Variants in C7 observed in about 807,000 individuals in gnomAD.
The protein encoded by C7 is complement component C7.
In C7, 83 loss-of-function variants were observed where a neutral mutation model predicts 104.8. The observed-to-expected ratio is 0.79, with a 90% confidence interval of 0.66 to 0.95. The LOEUF (loss-of-function observed/expected upper bound fraction) is 0.95. C7 is among the 40% of genes least tolerant of loss of function. The probability of loss-of-function intolerance (pLI) is 0.00; values close to 1 mark genes in which losing one functional copy is unlikely to be tolerated. For synonymous variants in C7, 415 were observed against 360.6 expected (o/e 1.15, Z -1.71); for missense variants, 1,070 against 1,011.2 (o/e 1.06, Z -0.79).
chr5:40,976,814 T>C lies in C7; in HGVS notation c.2139T>C (p.Cys713=), dbSNP rs1210662589. 6.2e-7 allele frequency: 1 copy of C among 1,606,862 alleles called. No homozygotes were observed. Among genetic ancestry groups the C allele is most frequent in the Admixed American group, 1.7e-5 (1 of 59,154 alleles). ...GGGAGAAACTGCAGAATTCAAGATG[T>C]GTTTGTAAAATGCCCTACGAATGTG... ...QRWEKLQNSR[C]VCKMPYECGP... Residue 713 remains cysteine, a synonymous_variant, in exon 16 of 18, where the codon TGT becomes TGC. Transcript: ENST00000313164.
intron 10 of C7, among the ~76,000 whole-genome samples, 199 bp from the exon 11 acceptor site, chr5:40,957,834 C>T (rs1462025228): frequency 6.6e-6 from 1 of 151,674 alleles, no homozygotes; most frequent in Non-Finnish European, 1.5e-5. Context: ...CCCATGTGAC[C>T]CTAATTTTCC....
Position 40,924,757 on chromosome 5 carries a change from G to A in C7, c.7-3823G>A, listed in dbSNP as rs568875916. On this transcript the variant is annotated intron_variant, in intron 1 of 17. Transcript: ENST00000313164. ...CTGCCAAGGCTTACAGTTTGCACCTGCTGAAGCAGCAGCCCAAGCTGTATC... is the reference window on the plus strand; with the variant it reads ...CTGCCAAGGCTTACAGTTTGCACCTACTGAAGCAGCAGCCCAAGCTGTATC... 1.0e-3 allele frequency among the ~76,000 whole-genome samples: 159 copies of A among 152,290 alleles called. 1 individual carries two copies. Among genetic ancestry groups the A allele is most frequent in the East Asian group, 0.01 (52 of 5,182 alleles).
chr5:40,967,079 TTTC>T (rs1210756701), intron 14 of C7, among the ~76,000 whole-genome samples: 69 of 130,636 alleles, frequency 5.3e-4, no homozygotes, highest in South Asian at 1.5e-3. Flanking sequence ...ATTTTTTTTT[TTTC>T]TTTGAGATGG....
At chr5:40,923,912 A>G (rs1739495964) in intron 1 of C7, among the ~76,000 whole-genome samples, 1 of 147,224 alleles carries the variant, frequency 6.8e-6, no homozygotes, top group Non-Finnish European at 1.5e-5. Context: ...TGGGGATTAC[A>G]TTTCAACATG....
intron 14 of C7, among the ~76,000 whole-genome samples, chr5:40,966,855 C>T (rs1418999338): frequency 6.6e-6 from 1 of 152,030 alleles, no homozygotes; most frequent in Non-Finnish European, 1.5e-5. Context: ...TTGTCTTTTA[C>T]TTATTAATCT....
chr5:40,960,274 T>C (rs1441641115), intron 12 of C7, among the ~76,000 whole-genome samples: 1 of 152,168 alleles, frequency 6.6e-6, no homozygotes, highest in Non-Finnish European at 1.5e-5. Context: ...CCTTAGTAAT[T>C]TTTGCTGACT....
At chr5:40,970,655 T>C (rs976638553) in intron 14 of C7, among the ~76,000 whole-genome samples, 2 of 152,164 alleles carry the variant, frequency 1.3e-5, no homozygotes, top group Non-Finnish European at 2.9e-5. Flanking sequence ...GTTTGTTACA[T>C]AGGTATATAT....
At chr5:40,965,008 G>C in intron 14 of C7, 135 bp downstream of exon 14, 1 of 1,005,214 alleles carries the variant, frequency 9.9e-7, no homozygotes. Context: ...TCCTGTTCAA[G>C]TTTTAGGAGC....
chr5:40,931,532 A>G (rs970095920), intron 3 of C7, among the ~76,000 whole-genome samples: 1 of 152,222 alleles, frequency 6.6e-6, no homozygotes, highest in African/African-American at 2.4e-5. Context: ...AACACTAGCA[A>G]ATAGCAAAAT....
In C7 at chr5:40,983,506, A is replaced by G. The variant is rs1740998550; in HGVS notation, c.*1933A>G. ...AGGAGAAGTCAAGGAGAGGAGAAGG[A>G]GAGGAGCAGTGAATGTTGTCGTGAA... On this transcript the variant is annotated 3_prime_UTR_variant, in exon 18 of 18. Transcript: ENST00000313164. Among the ~76,000 whole-genome samples the G allele has an allele frequency of 6.6e-6, 1 of 152,108 alleles. No homozygotes were observed. Among genetic ancestry groups the G allele is most frequent in the Non-Finnish European group, 1.5e-5 (1 of 68,024 alleles).
intron 6 of C7, among the ~76,000 whole-genome samples, chr5:40,944,249 T>C (rs1028068753): frequency 1.3e-5 from 2 of 152,114 alleles, no homozygotes; most frequent in African/African-American, 4.8e-5. Context: ...TGAGAGGGAG[T>C]CTTCTTGCCT....
chr5:40,932,362 C>T (rs1739703790), intron 3 of C7, among the ~76,000 whole-genome samples: 1 of 151,932 alleles, frequency 6.6e-6, no homozygotes, highest in Admixed American at 6.6e-5. Flanking sequence ...AGATATCTGT[C>T]CTCTTTTCCC....
intron 6 of C7, among the ~76,000 whole-genome samples, chr5:40,942,173 T>C (rs1324116140): frequency 6.6e-6 from 1 of 152,112 alleles, no homozygotes; most frequent in African/African-American, 2.4e-5. Context: ...TTTAAGATAA[T>C]TAATTATAGT....
chr5:40,949,040 C>T (rs893479281), intron 8 of C7, among the ~76,000 whole-genome samples: 1 of 151,846 alleles, frequency 6.6e-6, no homozygotes, highest in African/African-American at 2.4e-5. Context: ...GACACTATTT[C>T]TTTGGAGAAT....
intron 1 of C7, among the ~76,000 whole-genome samples, chr5:40,919,974 G>C (rs1739405707): frequency 6.6e-6 from 1 of 151,496 alleles, no homozygotes; most frequent in South Asian, 2.1e-4. Flanking sequence ...GCATAAGAAA[G>C]GAAATAATAA....
intron 9 of C7, 142 bp from the exon 10 acceptor site, chr5:40,955,245 A>T: frequency 1.5e-6 from 1 of 687,882 alleles, no homozygotes; most frequent in Non-Finnish European, 2.4e-6. Context: ...TGCTCTGCCT[A>T]TTCATCCCTC....
At position 40,925,085 on chromosome 5, in the gene C7, C is replaced by A. The variant is rs561114170; in HGVS notation, c.7-3495C>A. ...CCTGATGATCCTTTTTCTTTCTCTGCTGCGTGGCCAGGCTGCAGATTTTTC... is the reference window on the plus strand; with the variant it reads ...CCTGATGATCCTTTTTCTTTCTCTGATGCGTGGCCAGGCTGCAGATTTTTC... On this transcript the variant is annotated intron_variant, in intron 1 of 17. Coordinates refer to ENST00000313164, the MANE Select transcript of C7 (RefSeq NM_000587.4). Among the ~76,000 whole-genome samples the A allele has an allele frequency of 1.1e-4, 17 of 152,342 alleles. No individual in the cohort carries two copies. In the East Asian group the frequency reaches 3.3e-3, roughly 29 times the overall value.
intron 15 of C7, among the ~76,000 whole-genome samples, chr5:40,975,775 T>G (rs957554604): frequency 6.6e-6 from 1 of 152,252 alleles, no homozygotes; most frequent in African/African-American, 2.4e-5. Context: ...GATTGTAATG[T>G]CATGTCCAAG....
intron 1 of C7, among the ~76,000 whole-genome samples, chr5:40,921,092 C>T (rs1205448636): frequency 6.6e-6 from 1 of 151,244 alleles, no homozygotes; most frequent in Non-Finnish European, 1.5e-5. Context: ...TAAATCTTAG[C>T]AGTGATAAAT....
Sources: gnomAD v4.1 joint callset for allele counts (sites outside exome capture counted in the v4.1 genomes callset) on GRCh38, gnomAD v4.1.1 for gene constraint, MANE v1.5 for transcripts, NCBI Gene and HGNC (gene_info 2026-07-23, HGNC 2026-07-21) for gene names.